Variants in AKT3 observed in about 807,000 individuals in gnomAD.
AKT3 encodes the protein AKT serine/threonine kinase 3.
A neutral mutation model predicts 65.3 loss-of-function variants in AKT3; 15 were observed. The ratio of observed to expected loss-of-function variants is 0.23; its 90% CI spans 0.15 to 0.35. The LOEUF is 0.35. Ranked by LOEUF, AKT3 falls within the 10% of genes least tolerant of loss-of-function variation. AKT3 has a pLI of 1.00. For missense variants in AKT3, 243 were observed against 576.5 expected (o/e 0.42, Z 5.92); for synonymous variants, 206 against 183.8 (o/e 1.12, Z -0.98).
chr1:243,778,720 T>C (rs541164683), intron 2 of AKT3, among the ~76,000 whole-genome samples: 91 of 152,274 alleles, frequency 6.0e-4, no homozygotes, highest in African/African-American at 2.1e-3. Context: ...AATCAAACGT[T>C]AAAAAGGTAT....
In AKT3 at chr1:243,660,712, G is replaced by C. The variant is rs182009718; in HGVS notation, c.284+4060C>G. Reference sequence around the variant, plus strand: ...CATAGTGTTGGAAGTTGTGGCCAGGGCAATTAGGCAGAAGAAGGAAATAAA... The same window carrying C: ...CATAGTGTTGGAAGTTGTGGCCAGGCCAATTAGGCAGAAGAAGGAAATAAA... On this transcript the variant is annotated intron_variant, in intron 4 of 13. Transcript: ENST00000673466. Among the ~76,000 whole-genome samples the C allele has an allele frequency of 2.6e-5, 4 of 152,146 alleles. No individual in the cohort carries two copies. The East Asian group carries it at 7.7e-4, about 29-fold the overall frequency.
At chr1:243,849,693 A>G (rs1695677607) in intron 1 of AKT3, among the ~76,000 whole-genome samples, 1 of 151,066 alleles carries the variant, frequency 6.6e-6, no homozygotes, top group South Asian at 2.1e-4. Context: ...CGCAGACAGC[A>G]GGCGCCGGGC....
chr1:243,694,192 A>C (rs1407226349), intron 3 of AKT3, among the ~76,000 whole-genome samples: 1 of 152,186 alleles, frequency 6.6e-6, no homozygotes. Flanking sequence ...TGCTGGTAAA[A>C]TGGATAAACT....
At chr1:243,578,011 GATT>G (rs1434145192) in intron 8 of AKT3, among the ~76,000 whole-genome samples, 1 of 152,104 alleles carries the variant, frequency 6.6e-6, no homozygotes, top group Non-Finnish European at 1.5e-5. Flanking sequence ...TCAGAATAGT[GATT>G]ATTAAAAAAT....
At chr1:243,793,659 C>A (rs1691770059) in intron 2 of AKT3, 1 of 152,026 alleles carries the variant, frequency 6.6e-6, no homozygotes, top group Admixed American at 6.6e-5. Flanking sequence ...GTAGCCCTAG[C>A]TCCTCAGGAG....
chr1:243,602,518 C>A (rs138394385), intron 8 of AKT3, among the ~76,000 whole-genome samples: 49 of 152,228 alleles, frequency 3.2e-4, no homozygotes, highest in African/African-American at 7.5e-4. Flanking sequence ...CCAGATCACA[C>A]CTCCGTAAAT....
At chr1:243,628,302 AC>A (rs938815522) in intron 6 of AKT3, among the ~76,000 whole-genome samples, 5 of 151,240 alleles carry the variant, frequency 3.3e-5, no homozygotes, top group Non-Finnish European at 7.4e-5. Flanking sequence ...ATAGAAGAAA[AC>A]CTTTTTTTTT....
chr1:243,723,231 C>T (rs2148120323), intron 2 of AKT3, among the ~76,000 whole-genome samples: 1 of 152,256 alleles, frequency 6.6e-6, no homozygotes, highest in Middle Eastern at 3.4e-3. Flanking sequence ...ATCTGTCCAC[C>T]AACTGTCAAG....
intron 10 of AKT3, among the ~76,000 whole-genome samples, chr1:243,553,246 T>C (rs1448851451): frequency 1.3e-5 from 2 of 152,128 alleles, no homozygotes; most frequent in East Asian, 1.9e-4. Flanking sequence ...AGCTAGCATA[T>C]TTACATATTT....
chr1:243,642,435 G>A (rs917015769), intron 5 of AKT3, among the ~76,000 whole-genome samples: 3 of 152,066 alleles, frequency 2.0e-5, no homozygotes, highest in Admixed American at 6.6e-5. Flanking sequence ...TCAGCCTCCC[G>A]AGTAGCTGGG....
At chr1:243,536,979 A>G (rs1671981119) in intron 12 of AKT3, among the ~76,000 whole-genome samples, 1 of 152,192 alleles carries the variant, frequency 6.6e-6, no homozygotes, top group African/African-American at 2.4e-5. Context: ...CTTGTAAAGC[A>G]GTAGCTTACA....
intron 6 of AKT3, among the ~76,000 whole-genome samples, chr1:243,633,073 C>A (rs1679723537): frequency 1.3e-5 from 2 of 152,152 alleles, no homozygotes; most frequent in African/African-American, 2.4e-5. Context: ...TCATCAGAAA[C>A]ATTGAAGGCC....
intron 2 of AKT3, among the ~76,000 whole-genome samples, chr1:243,800,076 A>G (rs1218568727): frequency 6.6e-6 from 1 of 152,068 alleles, no homozygotes; most frequent in African/African-American, 2.4e-5. Flanking sequence ...CCAGAGTGCT[A>G]TCCTCTCATC....
intron 3 of AKT3, among the ~76,000 whole-genome samples, chr1:243,688,300 G>C (rs1303936561): frequency 6.6e-6 from 1 of 151,574 alleles, no homozygotes; most frequent in African/African-American, 2.4e-5. Flanking sequence ...AAAATGTATA[G>C]AACATTAAAG....
chr1:243,646,751 T>C (rs1050171794), intron 4 of AKT3, among the ~76,000 whole-genome samples: 3 of 152,156 alleles, frequency 2.0e-5, no homozygotes, highest in Admixed American at 6.5e-5. Flanking sequence ...TCCTGAAGAT[T>C]TCTATGAGGT....
chr1:243,587,059 C>A (rs2148541049), intron 8 of AKT3, among the ~76,000 whole-genome samples: 1 of 151,958 alleles, frequency 6.6e-6, no homozygotes, highest in South Asian at 2.1e-4. Flanking sequence ...GTACAATTAA[C>A]CTGAGAGGGC....
At chr1:243,707,342 T>C (rs1204334848) in intron 2 of AKT3, among the ~76,000 whole-genome samples, 1 of 152,204 alleles carries the variant, frequency 6.6e-6, no homozygotes, top group Non-Finnish European at 1.5e-5. Context: ...TGTTATTCAC[T>C]TTGCTTATGT....
At chr1:243,522,501 A>G (rs1670782049) in intron 12 of AKT3, among the ~76,000 whole-genome samples, 1 of 152,160 alleles carries the variant, frequency 6.6e-6, no homozygotes, top group Non-Finnish European at 1.5e-5. Flanking sequence ...CTACAAAAAA[A>G]TTTAAAAATT....
chr1:243,838,371 C>A (rs984319183), intron 2 of AKT3, among the ~76,000 whole-genome samples: 1 of 152,054 alleles, frequency 6.6e-6, no homozygotes, highest in Non-Finnish European at 1.5e-5. Context: ...TACCACAGCT[C>A]TTTACTCTCT....
Sources: allele counts gnomAD v4.1 joint callset (sites outside exome capture counted in the v4.1 genomes callset), GRCh38; gene constraint gnomAD v4.1.1; transcripts MANE v1.5; gene names NCBI Gene and HGNC (gene_info 2026-07-23, HGNC 2026-07-21).